MICALL1: variants seen among roughly 807,000 people sequenced by gnomAD.
The protein encoded by MICALL1 is MICAL like 1.
Under a neutral mutation model 83.7 loss-of-function variants are expected in MICALL1, and 61 were observed. The ratio of observed to expected loss-of-function variants is 0.73; its 90% CI spans 0.59 to 0.90. The LOEUF (loss-of-function observed/expected upper bound fraction) is 0.90. MICALL1 is among the 40% of genes least tolerant of loss of function. The pLI is 0.00. For missense variants in MICALL1, 1,066 were observed against 1,152.0 expected (o/e 0.93, Z 1.08); for synonymous variants, 481 against 473.6 (o/e 1.02, Z -0.20).
At chr22:37,931,173 A>T (rs1929765831) in intron 9 of MICALL1, among the ~76,000 whole-genome samples, 1 of 152,170 alleles carries the variant, frequency 6.6e-6, no homozygotes, top group African/African-American at 2.4e-5. Context: ...TGAGCAAATG[A>T]CTTAACCTCT....
intron 13 of MICALL1, among the ~76,000 whole-genome samples, chr22:37,936,816 C>T (rs113194886): frequency 9.2e-5 from 14 of 151,642 alleles, no homozygotes; most frequent in African/African-American, 2.7e-4. Context: ...GGCGTGAACC[C>T]GGGAGGCGGA....
intron 8 of MICALL1, 23 bp from the exon 9 acceptor site, chr22:37,927,388 T>A: frequency 6.5e-7 from 1 of 1,540,650 alleles, no homozygotes; most frequent in African/African-American, 1.4e-5. Flanking sequence ...CCTTGTGAGG[T>A]GTCCTGGTGC....
At position 37,921,984 on chromosome 22, in the gene MICALL1, C is replaced by T. The variant is rs1159230476; in HGVS notation, c.582C>T (p.Cys194=). The change falls in exon 6 of 16, where the codon TGC becomes TGT. Residue 194 remains cysteine (C), a synonymous_variant. Coordinates refer to ENST00000215957, the MANE Select transcript of MICALL1 (RefSeq NM_033386.4). ...TGTCCCCTGCCAGGTGTCGGCGGTG[C>T]TCCAGCACCCTGCTCCCTGGGGCTT... is the stretch of plus-strand genomic sequence containing the variant. ...YHRHCFRCRR[C]SSTLLPGAYE... 3.8e-6 allele frequency: 6 copies of T among 1,579,126 alleles called. No individual in the cohort carries two copies.
At chr22:37,911,310 C>T (rs369600132) in intron 1 of MICALL1, among the ~76,000 whole-genome samples, 3 of 152,202 alleles carry the variant, frequency 2.0e-5, no homozygotes, top group African/African-American at 4.8e-5. Flanking sequence ...CTTCTATTCA[C>T]GGCCCCATTA....
chr22:37,918,606 A>C (rs1047779020), intron 4 of MICALL1, among the ~76,000 whole-genome samples: 1 of 152,230 alleles, frequency 6.6e-6, no homozygotes, highest in Admixed American at 6.5e-5. Flanking sequence ...TGGCAGTTCT[A>C]GGAGAGAACA....
At chr22:37,916,314 A>G (rs1928673158) in intron 3 of MICALL1, among the ~76,000 whole-genome samples, 1 of 152,192 alleles carries the variant, frequency 6.6e-6, no homozygotes, top group Non-Finnish European at 1.5e-5. Flanking sequence ...ATGTATTTTC[A>G]TACCTTCTCT....
chr22:37,931,180 C>T (rs1043418356), intron 9 of MICALL1, among the ~76,000 whole-genome samples: 3 of 152,200 alleles, frequency 2.0e-5, no homozygotes, highest in African/African-American at 7.2e-5. Context: ...ATGACTTAAC[C>T]TCTCTGAACT....
intron 4 of MICALL1, among the ~76,000 whole-genome samples, chr22:37,918,403 C>T (rs1019200271): frequency 6.6e-6 from 1 of 152,188 alleles, no homozygotes; most frequent in African/African-American, 2.4e-5. Context: ...GTGTAAAGGG[C>T]CTTCCCCTCC....
intron 3 of MICALL1, among the ~76,000 whole-genome samples, chr22:37,912,823 G>A (rs140068999): frequency 0.011 from 1,623 of 151,724 alleles, 18 homozygotes; most frequent in Non-Finnish European, 0.017. Context: ...CACCACGCCC[G>A]GCTAATTTTT....
chr22:37,914,848 C>T (rs908508287), intron 3 of MICALL1, among the ~76,000 whole-genome samples: 74 of 150,984 alleles, frequency 4.9e-4, no homozygotes, highest in African/African-American at 1.7e-3. Context: ...CACCATGTTA[C>T]CCAGGTTGGT....
At chr22:37,918,154 T>A (rs1928793915) in intron 4 of MICALL1, among the ~76,000 whole-genome samples, 1 of 152,220 alleles carries the variant, frequency 6.6e-6, no homozygotes, top group South Asian at 2.1e-4. Flanking sequence ...AAGATTCCCC[T>A]TGATTCCTGT....
At chr22:37,909,663 C>T (rs1045788716) in intron 1 of MICALL1, among the ~76,000 whole-genome samples, 7 of 152,208 alleles carry the variant, frequency 4.6e-5, no homozygotes, top group Admixed American at 1.3e-4. Flanking sequence ...TGGCCAACCA[C>T]GTAGGTTTTA....
At chr22:37,935,591 C>T (rs534912361) in intron 13 of MICALL1, among the ~76,000 whole-genome samples, 1 of 151,838 alleles carries the variant, frequency 6.6e-6, no homozygotes, top group Non-Finnish European at 1.5e-5. Context: ...GTCACTGTGA[C>T]ATCCAGGCTG....
rs1259469510 is a variant in MICALL1, at chr22:37,932,878, C to T, written c.2224C>T (p.Leu742Phe). The change falls in exon 12 of 16, where the codon CTC (leucine) becomes TTC (phenylalanine). Residue 742 changes from leucine to phenylalanine, a missense_variant. Physicochemically the swap from Leu to Phe is conservative, Grantham distance 22. Coordinates refer to ENST00000215957, the MANE Select transcript of MICALL1 (RefSeq NM_033386.4). This position sits in a 1 kb window ranked among gnomAD's most constrained non-coding sequence, Gnocchi z 4.4. ...KHLLVRRESE[L>F]IYVFKQQNLE... Reference sequence around the variant, plus strand: ...CCTACTGGTGCGGCGAGAGTCCGAGCTCATCTATGTGTGAGTCCCCCCGCC... The same window carrying T: ...CCTACTGGTGCGGCGAGAGTCCGAGTTCATCTATGTGTGAGTCCCCCCGCC... 4.3e-6 allele frequency: 7 copies of T among 1,614,146 alleles called. 1 individual carries two copies. The South Asian group carries it at 6.6e-5, about 15-fold the overall frequency.
intron 3 of MICALL1, 22 bp downstream of exon 3, chr22:37,912,514 T>C (rs1388914700): frequency 6.4e-7 from 1 of 1,573,664 alleles, no homozygotes; most frequent in African/African-American, 1.3e-5. Flanking sequence ...ACTCAGCGTT[T>C]CACGGAGGCT....
chr22:37,917,363 C>T (rs1165069093), intron 3 of MICALL1, among the ~76,000 whole-genome samples: 1 of 152,238 alleles, frequency 6.6e-6, no homozygotes, highest in Non-Finnish European at 1.5e-5. Context: ...CTTTCCTTCA[C>T]CTCCTCTACC....
At position 37,932,542 on chromosome 22, in the gene MICALL1, C is replaced by G. The variant is rs1042305565; in HGVS notation, c.2017-11C>G. 7 of 1,613,610 alleles carry G rather than the reference C, an allele frequency of 4.3e-6. No individual in the cohort carries two copies. In the African/African-American group the frequency reaches 8.0e-5, roughly 18 times the overall value. On this transcript the variant is annotated splice_polypyrimidine_tract_variant and intron_variant, in intron 10 of 15. Coordinates refer to ENST00000215957, the MANE Select transcript of MICALL1 (RefSeq NM_033386.4). This position sits in a 1 kb window ranked among gnomAD's most constrained non-coding sequence, Gnocchi z 4.4. ...AGGCAGGCCGTCAGGTGACCAGGCA[C>G]TGTTGGGCAGGTCCAGGCTGACCAG...
At chr22:37,921,606 A>G (rs750617609) in intron 5 of MICALL1, among the ~76,000 whole-genome samples, 5 of 152,108 alleles carry the variant, frequency 3.3e-5, no homozygotes, top group African/African-American at 4.8e-5. Context: ...TGAAAACAAA[A>G]CACAAAACAA....
At chr22:37,936,688 C>G (rs995266328) in intron 13 of MICALL1, among the ~76,000 whole-genome samples, 5 of 152,106 alleles carry the variant, frequency 3.3e-5, no homozygotes, top group Non-Finnish European at 4.4e-5. Context: ...GTCAGGAGAT[C>G]GAGACCATCC....
Sources: gnomAD v4.1 joint callset for allele counts (sites outside exome capture counted in the v4.1 genomes callset) on GRCh38, gnomAD v4.1.1 for gene constraint, Gnocchi (gnomAD v3.1) non-coding constraint, MANE v1.5 for transcripts, NCBI Gene and HGNC (gene_info 2026-07-23, HGNC 2026-07-21) for gene names.